Variants in MGAT4A observed in about 807,000 individuals in gnomAD.
The protein encoded by MGAT4A is N-acetylglucosaminyltransferase IVa.
In MGAT4A, 33 loss-of-function variants were observed where a neutral mutation model predicts 74.1. The observed-to-expected ratio is 0.45, with a 90% CI of 0.34 to 0.60. The LOEUF is 0.60. Among genes scored for constraint, MGAT4A ranks in the 20% least tolerant of loss-of-function variants. The pLI, the probability that MGAT4A is intolerant of heterozygous loss-of-function variation, is 0.02. For missense variants in MGAT4A, 479 were observed against 628.3 expected, an observed-to-expected ratio of 0.76 and a Z score of 2.54; for synonymous variants, 198 against 210.4, an observed-to-expected ratio of 0.94 and a Z score of 0.51.
rs200474667 is a variant in MGAT4A, at chr2:98,655,057, CA to C, written c.774+387del. Among the ~76,000 whole-genome samples, 1,341 of 150,628 alleles carry C rather than the reference CA, an allele frequency of 8.9e-3. 12 individuals are homozygous for C. Among genetic ancestry groups the C allele is most frequent in the South Asian group, 9.0e-3 (43 of 4,778 alleles). ...ATAGTGGTAACAGTATTGTGGCCTA[CA>C]AAAAAAAATTAGTTCATTGTAAGAC... On this transcript the variant is annotated intron_variant, in intron 8 of 15. Transcript: ENST00000393487.
chr2:98,667,011 A>G (rs936969741), intron 4 of MGAT4A, among the ~76,000 whole-genome samples: 1 of 152,102 alleles, frequency 6.6e-6, no homozygotes, highest in Admixed American at 6.5e-5. Context: ...CATGGGGGCA[A>G]ATCTTTCCTG....
intron 4 of MGAT4A, among the ~76,000 whole-genome samples, chr2:98,671,811 G>A (rs937647970): frequency 2.0e-5 from 3 of 151,884 alleles, no homozygotes; most frequent in Non-Finnish European, 4.4e-5. Context: ...GCGTCTTTAT[G>A]AAAGGAAGGA....
In MGAT4A at chr2:98,621,338, A is replaced by C. The variant is rs530308459; in HGVS notation, c.*4228T>G. 404 of 1,494,766 alleles carry C rather than the reference A, an allele frequency of 2.7e-4. 1 individual carries two copies. The African/African-American group carries it at 5.2e-3, about 19-fold the overall frequency. The allele number at this position is 1,494,766 out of a possible 1,614,324, so 92.6% of individuals were successfully genotyped here. A position where few individuals can be genotyped will look rare whatever the true frequency, so the allele number is the denominator to read the frequency against. ...GGCTGAATTCAGTTCCCGTGGCTGT[A>C]GGACTGCAGTTCCCAGCTCCTTTGC... On this transcript the variant is annotated 3_prime_UTR_variant, in exon 16 of 16. Coordinates refer to ENST00000393487, the MANE Select transcript of MGAT4A (RefSeq NM_012214.3).
At chr2:98,668,040 A>G (rs1237685258) in intron 4 of MGAT4A, among the ~76,000 whole-genome samples, 1 of 152,180 alleles carries the variant, frequency 6.6e-6, no homozygotes, top group Non-Finnish European at 1.5e-5. Context: ...TAAGACGGAA[A>G]GAGCATGAAA....
Position 98,625,565 on chromosome 2 carries a change from A to T in MGAT4A, c.*1T>A, listed in dbSNP as rs1260456944. 1 of 1,609,402 alleles carries T rather than the reference A, an allele frequency of 6.2e-7. No homozygotes were observed. Among genetic ancestry groups the T allele is most frequent in the African/African-American group, 1.3e-5 (1 of 74,772 alleles). Reference sequence around the variant, plus strand: ...AAAAAATGTGTTGGTTTCTCAGATGATCAGTTGGTGGCTTTTTTAATATGA... The same window carrying T: ...AAAAAATGTGTTGGTTTCTCAGATGTTCAGTTGGTGGCTTTTTTAATATGA... On this transcript the variant is annotated 3_prime_UTR_variant, in exon 16 of 16. Transcript: ENST00000393487.
At chr2:98,682,422 CAAAAAAAAAAA>C (rs1013377462) in intron 2 of MGAT4A, among the ~76,000 whole-genome samples, 6 of 36,452 alleles carry the variant, frequency 1.6e-4, no homozygotes, top group African/African-American at 4.6e-4. Flanking sequence ...AATTCCATCT[CAAAAAAAAAAA>C]AAAAAAAAAA....
chr2:98,695,611 T>C (rs1023122517), intron 2 of MGAT4A: 2 of 154,202 alleles, frequency 1.3e-5, no homozygotes, highest in African/African-American at 4.8e-5. Context: ...AACCAACTGT[T>C]TATAGTATTT....
chr2:98,701,946 C>T (rs886827593), intron 2 of MGAT4A, among the ~76,000 whole-genome samples: 1 of 152,136 alleles, frequency 6.6e-6, no homozygotes, highest in Non-Finnish European at 1.5e-5. Context: ...GGGGCACGTT[C>T]GAGAACTTCC....
intron 2 of MGAT4A, among the ~76,000 whole-genome samples, chr2:98,725,179 C>T (rs968425852): frequency 6.6e-6 from 1 of 152,070 alleles, no homozygotes. Context: ...CAAAAAGGAC[C>T]TTAGCAAGTT....
At chr2:98,630,198 A>G (rs2104216179) in intron 14 of MGAT4A, among the ~76,000 whole-genome samples, 1 of 152,364 alleles carries the variant, frequency 6.6e-6, no homozygotes, top group East Asian at 1.9e-4. Context: ...AAACATGTAC[A>G]CAAACTTTAT....
At chr2:98,721,598 A>T (rs1038891750) in intron 2 of MGAT4A, among the ~76,000 whole-genome samples, 1 of 152,148 alleles carries the variant, frequency 6.6e-6, no homozygotes, top group Non-Finnish European at 1.5e-5. Context: ...TTTGGTTTGC[A>T]ACATTAACAG....
In MGAT4A at chr2:98,623,595, G is replaced by A. The variant is rs1701095105; in HGVS notation, c.*1971C>T. ...TTTGAGAAGAAAAAAATTCAAGAAAGTGAAAAGTAAATTTAAAACATCCTA... is the reference window on the plus strand; with the variant it reads ...TTTGAGAAGAAAAAAATTCAAGAAAATGAAAAGTAAATTTAAAACATCCTA... On this transcript the variant is annotated 3_prime_UTR_variant, in exon 16 of 16. Transcript: ENST00000393487. 1 of 985,068 alleles carries A rather than the reference G, an allele frequency of 1.0e-6. No individual in the cohort carries two copies. The highest frequency in any genetic ancestry group is 6.2e-5 in the Admixed American group (1 of 16,256). 61.0% of individuals were successfully genotyped at this position (985,068 alleles called of 1,614,324 possible).
chr2:98,712,890 A>T (rs538268561), intron 2 of MGAT4A, among the ~76,000 whole-genome samples: 1 of 152,214 alleles, frequency 6.6e-6, no homozygotes, highest in African/African-American at 2.4e-5. Context: ...GGCCAGGCAC[A>T]GTGGCTCATG....
chr2:98,675,488 TA>T (rs1405503483), intron 3 of MGAT4A, among the ~76,000 whole-genome samples: 1 of 152,168 alleles, frequency 6.6e-6, no homozygotes, highest in Non-Finnish European at 1.5e-5. Flanking sequence ...ACTCTAAATA[TA>T]CTGTTGGCTT....
chr2:98,654,184 G>C (rs2104257381), intron 8 of MGAT4A, among the ~76,000 whole-genome samples: 1 of 152,190 alleles, frequency 6.6e-6, no homozygotes, highest in African/African-American at 2.4e-5. Context: ...GGTAATATAT[G>C]AAAAGCCCAT....
chr2:98,698,411 C>T (rs1157629441), intron 2 of MGAT4A, among the ~76,000 whole-genome samples: 6 of 152,006 alleles, frequency 3.9e-5, no homozygotes, highest in Admixed American at 1.3e-4. Context: ...AGCAAGACTC[C>T]GTCTCAAAAA....
At chr2:98,655,193 G>A (rs1377000105) in intron 8 of MGAT4A, among the ~76,000 whole-genome samples, 1 of 152,086 alleles carries the variant, frequency 6.6e-6, no homozygotes, top group East Asian at 1.9e-4. Context: ...ATGGGGGAAT[G>A]GGAGAAAAAG....
chr2:98,669,642 C>T (rs1701886234), intron 4 of MGAT4A, among the ~76,000 whole-genome samples: 1 of 152,074 alleles, frequency 6.6e-6, no homozygotes, highest in Admixed American at 6.5e-5. Context: ...AAACATGAAA[C>T]TTGTAATTTC....
chr2:98,624,506 T>C lies in MGAT4A; in HGVS notation c.*1060A>G. ...TTTGGAAAATATACTACTAATAATA[T>C]ATTTCACCAAAAAACAATATTACAA... On this transcript the variant is annotated 3_prime_UTR_variant, in exon 16 of 16. Coordinates refer to ENST00000393487, the MANE Select transcript of MGAT4A (RefSeq NM_012214.3). 1.0e-6 allele frequency: 1 copy of C among 969,892 alleles called. No homozygotes were observed. The highest frequency in any genetic ancestry group is 1.2e-6 in the Non-Finnish European group (1 of 815,788). The allele number at this position is 969,892 out of a possible 1,614,324, so 60.1% of individuals were successfully genotyped here. A position where few individuals can be genotyped will look rare whatever the true frequency, so the allele number is the denominator to read the frequency against.
Sources: gnomAD v4.1 joint callset for allele counts (sites outside exome capture counted in the v4.1 genomes callset) on GRCh38, gnomAD v4.1.1 for gene constraint, MANE v1.5 for transcripts, NCBI Gene and HGNC (gene_info 2026-07-23, HGNC 2026-07-21) for gene names.